PRMT2: variants seen among roughly 807,000 people sequenced by gnomAD.
The protein encoded by PRMT2 is protein arginine methyltransferase 2, also known as protein arginine N-methyltransferase 2.
Under a neutral mutation model 57.6 loss-of-function variants are expected in PRMT2, and 26 were observed. The ratio of observed to expected loss-of-function variants is 0.45; its 90% CI spans 0.33 to 0.63. The LOEUF (loss-of-function observed/expected upper bound fraction) is 0.63, where lower values mean the gene tolerates loss of function less well. Among genes scored for constraint, PRMT2 ranks in the 20% least tolerant of loss-of-function variants. The pLI is 0.02. For synonymous variants in PRMT2, 219 were observed against 220.0 expected (o/e 1.00, Z 0.04); for missense variants, 472 against 564.4 (o/e 0.84, Z 1.66).
At chr21:46,650,394 G>T (rs997058159) in intron 7 of PRMT2, among the ~76,000 whole-genome samples, 2 of 152,162 alleles carry the variant, frequency 1.3e-5, no homozygotes, top group Non-Finnish European at 2.9e-5. Context: ...GATGGGGTCT[G>T]GGTGAAGGAG....
intron 7 of PRMT2, chr21:46,652,269 T>C: frequency 7.5e-7 from 1 of 1,329,504 alleles, no homozygotes; most frequent in East Asian, 2.9e-5. Flanking sequence ...AAGGTTTTTC[T>C]AAGAACCAAG....
Position 46,665,007 on chromosome 21 carries a change from A to G in PRMT2, c.*680A>G, listed in dbSNP as rs1460664000. On this transcript the variant is annotated 3_prime_UTR_variant, in exon 12 of 12. Coordinates refer to ENST00000355680, the MANE Select transcript of PRMT2 (RefSeq NM_206962.4). ...TTTTTTGTAATTACAGGATCATACT[A>G]TATGCATTGCTTTATAAGTTTTTCT... 3.9e-5 allele frequency: 6 copies of G among 152,288 alleles called. No individual in the cohort carries two copies. Among genetic ancestry groups the G allele is most frequent in the Admixed American group, 2.0e-4 (3 of 15,288 alleles). 9.4% of individuals were successfully genotyped at this position (152,288 alleles called of 1,614,324 possible).
chr21:46,638,761 C>T (rs535757665), intron 3 of PRMT2, among the ~76,000 whole-genome samples: 2 of 152,286 alleles, frequency 1.3e-5, no homozygotes, highest in South Asian at 4.1e-4. Flanking sequence ...GAAGAGATGT[C>T]TTATAATGGT....
chr21:46,663,706 T>C (rs1176641475), intron 11 of PRMT2, 152 bp downstream of exon 11: 3 of 789,918 alleles, frequency 3.8e-6, no homozygotes, highest in Non-Finnish European at 3.9e-6. Flanking sequence ...AAGCGCCTGT[T>C]GTCATTGGCT....
chr21:46,649,756 G>A lies in PRMT2; in HGVS notation c.654+17G>A, dbSNP rs761090090. ...TGCCTGCTGGTGAGGGCGGGCGTGC[G>A]GGCAGCTGGGGGCCGGAGCTGGGGG... On this transcript the variant is annotated intron_variant, in intron 7 of 11. Transcript: ENST00000355680. The surrounding 1 kb of genome is among the most constrained non-coding windows in gnomAD (Gnocchi z 4.8). 1 of 1,606,908 alleles carries A rather than the reference G, an allele frequency of 6.2e-7. No homozygotes were observed. The highest frequency in any genetic ancestry group is 8.5e-7 in the Non-Finnish European group (1 of 1,176,784).
At chr21:46,652,958 C>T (rs1283477601) in intron 7 of PRMT2, 2 of 1,274,264 alleles carry the variant, frequency 1.6e-6, no homozygotes, top group Non-Finnish European at 2.0e-6. Flanking sequence ...GGGGCTGCCT[C>T]CTGGACCTTT....
At chr21:46,641,990 CAA>C (rs2061285217) in intron 3 of PRMT2, among the ~76,000 whole-genome samples, 1 of 152,110 alleles carries the variant, frequency 6.6e-6, no homozygotes, top group African/African-American at 2.4e-5. Flanking sequence ...CCTAACCACA[CAA>C]AGAGAGGGAA....
At chr21:46,661,057 C>A in intron 9 of PRMT2, 95 bp downstream of exon 9, 3 of 1,286,300 alleles carry the variant, frequency 2.3e-6, no homozygotes, top group Non-Finnish European at 2.1e-6. Flanking sequence ...TCAGTGAGTG[C>A]TGGGGGTGTG....
rs2061396922 is a variant in PRMT2 at position 46,648,423 on chromosome 21, C to CA, written c.328-34dup. 3 of 1,609,252 alleles carry CA rather than the reference C, an allele frequency of 1.9e-6. No individual in the cohort carries two copies. The highest frequency in any genetic ancestry group is 2.5e-6 in the Non-Finnish European group (3 of 1,177,168). On this transcript the variant is annotated intron_variant, in intron 5 of 11. Coordinates refer to ENST00000355680, the MANE Select transcript of PRMT2 (RefSeq NM_206962.4). This position sits in a 1 kb window ranked among gnomAD's most constrained non-coding sequence, Gnocchi z 4.8. ...TCCAGACCTCAGCATGGCTCTAGGT[C>CA]ACAGGCAGTGATTCTGAATGTGCAT...
intron 9 of PRMT2, 37 bp downstream of exon 9, chr21:46,660,999 T>G (rs373303953): frequency 6.3e-7 from 1 of 1,595,670 alleles, no homozygotes; most frequent in South Asian, 1.1e-5. Flanking sequence ...CATTCGATAA[T>G]CAGTGACCAC....
chr21:46,650,906 G>T (rs1042188854), intron 7 of PRMT2, among the ~76,000 whole-genome samples: 2 of 152,230 alleles, frequency 1.3e-5, no homozygotes, highest in Non-Finnish European at 2.9e-5. Context: ...AGACTGTGTT[G>T]CATCAGGGAG....
At chr21:46,650,992 G>C (rs1265692652) in intron 7 of PRMT2, among the ~76,000 whole-genome samples, 2 of 152,246 alleles carry the variant, frequency 1.3e-5, no homozygotes, top group Non-Finnish European at 2.9e-5. Flanking sequence ...AGTGCCACTG[G>C]TGTGTGAGTG....
chr21:46,656,874 T>G (rs1254040199), intron 7 of PRMT2: 2 of 150,880 alleles, frequency 1.3e-5, no homozygotes, highest in African/African-American at 4.9e-5. Context: ...GCTAAGAGAA[T>G]AAAAAAGACA....
At position 46,649,276 on chromosome 21, in the gene PRMT2, G is replaced by A. The variant is rs1569156063; in HGVS notation, c.490-299G>A. 6.6e-6 allele frequency among the ~76,000 whole-genome samples: 1 copy of A among 152,238 alleles called. No individual in the cohort carries two copies. The highest frequency in any genetic ancestry group is 1.5e-5 in the Non-Finnish European group (1 of 68,044). On this transcript the variant is annotated intron_variant, in intron 6 of 11. Transcript: ENST00000355680. This position sits in a 1 kb window ranked among gnomAD's most constrained non-coding sequence, Gnocchi z 4.8. Reference sequence around the variant, plus strand: ...GCTAAGAAGTTGCTGTGCTGGTCATGGATTAAGATTGCTGTGCGTGTGGCA... The same window carrying A: ...GCTAAGAAGTTGCTGTGCTGGTCATAGATTAAGATTGCTGTGCGTGTGGCA...
intron 7 of PRMT2, chr21:46,658,286 C>G (rs2061568760): frequency 6.5e-6 from 1 of 154,968 alleles, no homozygotes; most frequent in African/African-American, 2.4e-5. Context: ...CGTGAATGGC[C>G]AGGGCATGCC....
chr21:46,641,702 C>T (rs536526398), intron 3 of PRMT2, among the ~76,000 whole-genome samples: 28 of 138,728 alleles, frequency 2.0e-4, no homozygotes, highest in African/African-American at 7.1e-4. Flanking sequence ...AAAAAAAAAG[C>T]CAAACAAAGA....
At position 46,643,585 on chromosome 21, in the gene PRMT2, A is replaced by G; in HGVS notation, c.90A>G (p.Val30=). 1 of 1,610,688 alleles carries G rather than the reference A, an allele frequency of 6.2e-7. No individual in the cohort carries two copies. The highest frequency in any genetic ancestry group is 8.5e-7 in the Non-Finnish European group (1 of 1,179,030). The change falls in exon 4 of 12, where the codon GTA becomes GTG. Residue 30 remains valine, a synonymous_variant. Coordinates refer to ENST00000355680, the MANE Select transcript of PRMT2 (RefSeq NM_206962.4). ...CSEAGLLQEG[V]QPEEFVAIAD... ...AGGCCGGTCTCCTGCAGGAGGGAGTACAGCCAGAGGAGTTTGTGGCCATCG... is the reference window on the plus strand; with the variant it reads ...AGGCCGGTCTCCTGCAGGAGGGAGTGCAGCCAGAGGAGTTTGTGGCCATCG...
At position 46,648,983 on chromosome 21, in the gene PRMT2, C is replaced by G. The variant is rs2061407810; in HGVS notation, c.489+364C>G. Among the ~76,000 whole-genome samples the G allele has an allele frequency of 6.6e-6, 1 of 152,152 alleles. No homozygotes were observed. The highest frequency in any genetic ancestry group is 2.4e-5 in the African/African-American group (1 of 41,432). ...GTGCTGGGCCTTGGGTGTGGTTGGT[C>G]TCATGGGGTTGGGAGGGATGCACAC... is the stretch of plus-strand genomic sequence containing the variant. On this transcript the variant is annotated intron_variant, in intron 6 of 11. Transcript: ENST00000355680. The surrounding 1 kb of genome is among the most constrained non-coding windows in gnomAD (Gnocchi z 4.8).
In PRMT2 at chr21:46,658,556, A is replaced by C. The variant is rs556599504; in HGVS notation, c.655-189A>C. ...GACTTAAACCCAGGCTGTGAGATGCATCAGTGACGTGTGGGCATAAAATAA... is the reference window on the plus strand; with the variant it reads ...GACTTAAACCCAGGCTGTGAGATGCCTCAGTGACGTGTGGGCATAAAATAA... On this transcript the variant is annotated intron_variant, in intron 7 of 11. Coordinates refer to ENST00000355680, the MANE Select transcript of PRMT2 (RefSeq NM_206962.4). 7 of 984,958 alleles carry C rather than the reference A, an allele frequency of 7.1e-6. No homozygotes were observed. The East Asian group carries it at 1.7e-4, about 24-fold the overall frequency. 61.0% of individuals were successfully genotyped at this position (984,958 alleles called of 1,614,324 possible).
Sources: allele counts gnomAD v4.1 joint callset (sites outside exome capture counted in the v4.1 genomes callset), GRCh38; gene constraint gnomAD v4.1.1; non-coding constraint Gnocchi (gnomAD v3.1); transcripts MANE v1.5; gene names NCBI Gene and HGNC (gene_info 2026-07-23, HGNC 2026-07-21).